RBMS2: variants seen among roughly 807,000 people sequenced by gnomAD.
The protein encoded by RBMS2 is RNA-binding motif, single-stranded-interacting protein 2.
A neutral mutation model predicts 58.4 loss-of-function variants in RBMS2; 38 were observed. That is an observed-to-expected ratio of 0.65 (90% CI 0.50 to 0.85). The LOEUF is 0.85. Among genes scored for constraint, RBMS2 ranks in the 40% least tolerant of loss-of-function variants. RBMS2 has a pLI of 0.00. For synonymous variants in RBMS2, 151 were observed against 180.7 expected, an observed-to-expected ratio of 0.84 and a Z score of 1.32; for missense variants, 367 against 503.7, an observed-to-expected ratio of 0.73 and a Z score of 2.60.
chr12:56,568,704 A>AT (rs1881790736), intron 2 of RBMS2, among the ~76,000 whole-genome samples: 1 of 151,798 alleles, frequency 6.6e-6, no homozygotes, highest in African/African-American at 2.4e-5. Flanking sequence ...TAATTTTTGT[A>AT]TTTTTAGTAG....
At chr12:56,575,351 C>T (rs1882954334) in intron 5 of RBMS2, among the ~76,000 whole-genome samples, 1 of 151,978 alleles carries the variant, frequency 6.6e-6, no homozygotes, top group East Asian at 1.9e-4. Context: ...GTGGGAGGAT[C>T]ACCTGAGCCC....
chr12:56,588,684 CCTT>C, intron 12 of RBMS2: 1 of 591,502 alleles, frequency 1.7e-6, no homozygotes, highest in Non-Finnish European at 3.0e-6. Context: ...TGAGGCCCTT[CCTT>C]ACATTTGGCC....
At chr12:56,556,941 G>A (rs975334255) in intron 1 of RBMS2, among the ~76,000 whole-genome samples, 25 of 152,052 alleles carry the variant, frequency 1.6e-4, no homozygotes, top group African/African-American at 5.3e-4. Flanking sequence ...TGCCTTTATG[G>A]AGCTTACAGT....
chr12:56,539,539 C>G (rs1327452780), intron 1 of RBMS2: 2 of 280,414 alleles, frequency 7.1e-6, no homozygotes. Flanking sequence ...TTATTTCTAG[C>G]TAAGCTATAT....
intron 4 of RBMS2, 178 bp downstream of exon 4, chr12:56,570,168 T>C (rs1301088049): frequency 1.7e-6 from 1 of 585,314 alleles, no homozygotes; most frequent in African/African-American, 1.9e-5. Flanking sequence ...GTATTCAAAG[T>C]CTATGGCAGG....
intron 9 of RBMS2, among the ~76,000 whole-genome samples, chr12:56,584,609 C>T (rs965229487): frequency 2.0e-5 from 3 of 151,734 alleles, no homozygotes; most frequent in African/African-American, 7.3e-5. Flanking sequence ...CACAGTGAAA[C>T]GCCGTCTCTA....
chr12:56,576,799 G>A (rs565893659), intron 5 of RBMS2, among the ~76,000 whole-genome samples: 34 of 152,024 alleles, frequency 2.2e-4, no homozygotes, highest in Non-Finnish European at 3.8e-4. Context: ...CCAGCACTTT[G>A]GGAGGCTGAG....
At position 56,521,846 on chromosome 12, in the gene RBMS2, C is replaced by A; in HGVS notation, c.-178C>A. 2.1e-6 allele frequency: 1 copy of A among 475,534 alleles called. No homozygotes were observed. Among genetic ancestry groups the A allele is most frequent in the Non-Finnish European group, 3.7e-6 (1 of 270,174 alleles). The allele number at this position is 475,534 out of a possible 1,614,324, so 29.5% of individuals were successfully genotyped here. A position where few individuals can be genotyped will look rare whatever the true frequency, so the allele number is the denominator to read the frequency against. ...GCCCGAGCTCATTCTCTGCCCGCAG[C>A]CCCCCTTCATCTCTCTCCTCCTGCT... On this transcript the variant is annotated 5_prime_UTR_variant, in exon 1 of 14. Coordinates refer to ENST00000262031, the MANE Select transcript of RBMS2 (RefSeq NM_002898.4).
intron 1 of RBMS2, among the ~76,000 whole-genome samples, chr12:56,544,897 A>T (rs1314567748): frequency 1.3e-5 from 2 of 151,714 alleles, no homozygotes; most frequent in African/African-American, 4.8e-5. Context: ...CCTGGCCCTC[A>T]TCACATTTTT....
intron 1 of RBMS2, among the ~76,000 whole-genome samples, chr12:56,543,114 T>C: frequency 6.6e-6 from 1 of 152,026 alleles, no homozygotes; most frequent in Non-Finnish European, 1.5e-5. Flanking sequence ...CCTCAATGAT[T>C]CTCCTGCCTT....
intron 1 of RBMS2, among the ~76,000 whole-genome samples, chr12:56,533,661 C>T (rs1874224431): frequency 6.6e-6 from 1 of 151,760 alleles, no homozygotes. Context: ...AGTGATTCGC[C>T]CACCTTGGCC....
Position 56,582,095 on chromosome 12 carries a change from G to C in RBMS2, c.816G>C (p.Arg272Ser). 1.2e-6 allele frequency: 2 copies of C among 1,613,380 alleles called. No individual in the cohort carries two copies. The highest frequency in any genetic ancestry group is 1.7e-6 in the Non-Finnish European group (2 of 1,179,534). Residue 272 changes from arginine to serine, a missense_variant, in exon 9 of 14, where the codon AGG (arginine) becomes AGC (serine). Arg to Ser is a moderately radical substitution (Grantham distance 110, BLOSUM62 -1). Transcript: ENST00000262031. ...YPAPYNITPN[R>S]MLAQSALSPY... Reference sequence around the variant, plus strand: ...CCCCCTATAACATCACCCCCAACAGGATGCTTGCTCAGTCTGCACTCTCCC... The same window carrying C: ...CCCCCTATAACATCACCCCCAACAGCATGCTTGCTCAGTCTGCACTCTCCC...
upstream of RBMS2, among the ~76,000 whole-genome samples, chr12:56,521,502 G>GTTTTTTTTTTTTTTTTTTT (rs68129205): frequency 2.3e-4 from 17 of 73,158 alleles, 1 homozygote; most frequent in African/African-American, 8.3e-4. Flanking sequence ...CTCTAACTCT[G>GTTTTTTTTTTTTTTTTTTT]TTTTTTTTTT....
chr12:56,572,705 C>A, intron 5 of RBMS2: 2 of 844,604 alleles, frequency 2.4e-6, no homozygotes, highest in Non-Finnish European at 2.8e-6. Flanking sequence ...CAGGGTCTTA[C>A]AGGAGTGGGT....
rs115941039 is a variant in RBMS2 at position 56,523,686 on chromosome 12, G to A, written c.66+1597G>A. ...GAAGCAGGAGAATCACTTGAACCTG[G>A]GGGACAGAGGTTGCAATGAGCCAGG... On this transcript the variant is annotated intron_variant, in intron 1 of 13. Coordinates refer to ENST00000262031, the MANE Select transcript of RBMS2 (RefSeq NM_002898.4). 8.7e-4 allele frequency among the ~76,000 whole-genome samples: 133 copies of A among 152,260 alleles called. 1 individual carries two copies. Among genetic ancestry groups the A allele is most frequent in the African/African-American group, 2.9e-3 (121 of 41,560 alleles).
At position 56,521,977 on chromosome 12, in the gene RBMS2, TTC is replaced by T. The variant is rs141771200; in HGVS notation, c.-28_-27del. On this transcript the variant is annotated 5_prime_UTR_variant, in exon 1 of 14. Transcript: ENST00000262031. The stretch of plus-strand genomic sequence containing the variant: ...TCCCCGTCTTTCTTACCCCCTCCCT[TTC>T]TCTCTCTCTCTCTCTCTCGCTCGTT... 48,379 of 557,236 alleles carry T rather than the reference TTC, an allele frequency of 0.087. No homozygotes were observed. The highest frequency in any genetic ancestry group is 0.11 in the South Asian group (4,266 of 38,628). 34.5% of individuals were successfully genotyped at this position (557,236 alleles called of 1,614,324 possible).
At chr12:56,564,685 G>GTAT (rs1881013452) in intron 2 of RBMS2, among the ~76,000 whole-genome samples, 2 of 152,154 alleles carry the variant, frequency 1.3e-5, no homozygotes, top group African/African-American at 4.8e-5. Context: ...AGATAAAATG[G>GTAT]TATAGTGGCC....
chr12:56,588,544 A>C (rs1349833262), intron 12 of RBMS2, 170 bp downstream of exon 12: 1 of 648,024 alleles, frequency 1.5e-6, no homozygotes, highest in African/African-American at 1.8e-5. Context: ...CATGCATACT[A>C]AAATTGGAAC....
rs73335224 is a variant in RBMS2, at chr12:56,558,979, C to T, written c.67-3438C>T. ...CTCCTGGCCTCAAGCCAACCTCCCA[C>T]CTCAACCCCCTGAGCAGGTGGGATT... On this transcript the variant is annotated intron_variant, in intron 1 of 13. Coordinates refer to ENST00000262031, the MANE Select transcript of RBMS2 (RefSeq NM_002898.4). Among the ~76,000 whole-genome samples, 586 of 152,228 alleles carry T rather than the reference C, an allele frequency of 3.8e-3. 3 individuals carry two copies. The highest frequency in any genetic ancestry group is 0.014 in the African/African-American group (561 of 41,546).
Sources: gnomAD v4.1 joint callset for allele counts (sites outside exome capture counted in the v4.1 genomes callset) on GRCh38, gnomAD v4.1.1 for gene constraint, MANE v1.5 for transcripts, NCBI Gene and HGNC (gene_info 2026-07-23, HGNC 2026-07-21) for gene names.